Variants in GALNT13 observed in about 807,000 individuals in gnomAD.
GALNT13 encodes UDP-GalNAc:polypeptide N-acetylgalactosaminyltransferase 13.
In GALNT13, 28 loss-of-function variants were observed where a neutral mutation model predicts 64.2. The observed-to-expected ratio is 0.44, with a 90% CI of 0.32 to 0.60. The LOEUF (loss-of-function observed/expected upper bound fraction) is 0.60. GALNT13 is among the 20% of genes least tolerant of loss of function. The pLI, the probability that GALNT13 is intolerant of heterozygous loss-of-function variation, is 0.05. For synonymous variants in GALNT13, 214 were observed against 224.6 expected (o/e 0.95, Z 0.42); for missense variants, 577 against 669.8 (o/e 0.86, Z 1.53).
the GALNT13 span, among the ~76,000 whole-genome samples, chr2:153,716,199 C>T: frequency 6.6e-6 from 1 of 152,172 alleles, no homozygotes; most frequent in South Asian, 2.1e-4. Context: ...AACTTAGTTC[C>T]ATGGAAGAGC....
the GALNT13 span, among the ~76,000 whole-genome samples, chr2:153,274,501 TA>T: frequency 6.6e-6 from 1 of 152,170 alleles, no homozygotes; most frequent in Non-Finnish European, 1.5e-5. Context: ...AACTGCAGAA[TA>T]AAAGAGGAAT....
the GALNT13 span, among the ~76,000 whole-genome samples, chr2:153,394,805 A>T: frequency 6.6e-6 from 1 of 152,308 alleles, no homozygotes; most frequent in East Asian, 1.9e-4. Context: ...TTGGAAGCTT[A>T]GAGAAAACAA....
At chr2:153,842,477 T>G in the GALNT13 span, among the ~76,000 whole-genome samples, 1 of 152,050 alleles carries the variant, frequency 6.6e-6, no homozygotes, top group Non-Finnish European at 1.5e-5. Context: ...AAGGGTGAAC[T>G]AGAAACACAC....
chr2:153,844,162 A>T, the GALNT13 span, among the ~76,000 whole-genome samples: 1 of 152,068 alleles, frequency 6.6e-6, no homozygotes, highest in Non-Finnish European at 1.5e-5. Context: ...TTGCTTTTTT[A>T]GAGTGTCTCT....
chr2:153,798,891 T>A, the GALNT13 span, among the ~76,000 whole-genome samples: 2 of 152,294 alleles, frequency 1.3e-5, no homozygotes, highest in Non-Finnish European at 2.9e-5. Flanking sequence ...CATTAAGCAC[T>A]ATTATTGCTG....
chr2:153,831,117 T>C, the GALNT13 span, among the ~76,000 whole-genome samples: 1 of 152,254 alleles, frequency 6.6e-6, no homozygotes, highest in African/African-American at 2.4e-5. Context: ...TGGTTTGGAG[T>C]ATCGTTTCTC....
chr2:153,706,691 C>A, the GALNT13 span, among the ~76,000 whole-genome samples: 1 of 152,232 alleles, frequency 6.6e-6, no homozygotes, highest in South Asian at 2.1e-4. Flanking sequence ...TCTTTGTTGT[C>A]TTCCCTATTA....
At chr2:153,091,235 C>T in the GALNT13 span, among the ~76,000 whole-genome samples, 2 of 152,066 alleles carry the variant, frequency 1.3e-5, no homozygotes, top group Admixed American at 1.3e-4. Context: ...CCAAGAACCC[C>T]TGTGAGATAT....
chr2:153,325,114 G>GTTTTTT, the GALNT13 span, among the ~76,000 whole-genome samples: 2 of 72,680 alleles, frequency 2.8e-5, no homozygotes, highest in East Asian at 4.8e-4. Flanking sequence ...CTGGACCTGG[G>GTTTTTT]TTTTTTTTTT....
In GALNT13 at chr2:154,262,511, G is replaced by A. The variant is rs190599517; in HGVS notation, c.975+3373G>A. The stretch of plus-strand genomic sequence containing the variant: ...CAGAGAACAGCAGTTAGGTCTTAAT[G>A]CTTCTGAAAGCTGTTTCAAATATTT... On this transcript the variant is annotated intron_variant, in intron 8 of 12. Coordinates refer to ENST00000392825, the MANE Select transcript of GALNT13 (RefSeq NM_052917.4). Among the ~76,000 whole-genome samples, 511 of 152,268 alleles carry A rather than the reference G, an allele frequency of 3.4e-3. 4 individuals carry two copies. Among genetic ancestry groups the A allele is most frequent in the African/African-American group, 0.012 (491 of 41,566 alleles).
chr2:154,269,664 C>T (rs911141846), intron 8 of GALNT13, among the ~76,000 whole-genome samples: 8 of 151,266 alleles, frequency 5.3e-5, no homozygotes, highest in Non-Finnish European at 3.0e-5. Flanking sequence ...TCTCTTGTTC[C>T]CCATTTGGTG....
At chr2:153,703,014 G>GA in the GALNT13 span, among the ~76,000 whole-genome samples, 2 of 152,102 alleles carry the variant, frequency 1.3e-5, no homozygotes, top group Non-Finnish European at 2.9e-5. Context: ...AAAAGCAAGG[G>GA]AAGTGGGGTC....
chr2:153,403,989 A>G, the GALNT13 span, among the ~76,000 whole-genome samples: 1 of 152,166 alleles, frequency 6.6e-6, no homozygotes, highest in Non-Finnish European at 1.5e-5. Context: ...TCTAATCCAC[A>G]AATTAGGTCC....
At chr2:153,829,851 G>A in the GALNT13 span, among the ~76,000 whole-genome samples, 1 of 152,148 alleles carries the variant, frequency 6.6e-6, no homozygotes, top group Non-Finnish European at 1.5e-5. Context: ...ATATTTAGAA[G>A]AGACTTAATT....
intron 3 of GALNT13, among the ~76,000 whole-genome samples, chr2:153,969,710 A>T (rs182244064): frequency 2.8e-4 from 42 of 152,298 alleles, no homozygotes; most frequent in African/African-American, 9.9e-4. Context: ...TTTCAAAGGG[A>T]TGATAAAAGT....
chr2:153,544,713 T>C, the GALNT13 span, among the ~76,000 whole-genome samples: 2 of 152,238 alleles, frequency 1.3e-5, no homozygotes, highest in Non-Finnish European at 2.9e-5. Context: ...TCTAATATGA[T>C]ACAAGAATAC....
the GALNT13 span, among the ~76,000 whole-genome samples, chr2:153,307,835 C>G: frequency 6.6e-6 from 1 of 152,016 alleles, no homozygotes; most frequent in Admixed American, 6.6e-5. Flanking sequence ...TATAAAAGAT[C>G]AGGGACCTAT....
the GALNT13 span, among the ~76,000 whole-genome samples, chr2:153,736,161 T>A: frequency 6.6e-6 from 1 of 152,210 alleles, no homozygotes; most frequent in African/African-American, 2.4e-5. Context: ...TGGCACTCCA[T>A]CCATCATAGA....
At chr2:153,821,854 A>G in the GALNT13 span, among the ~76,000 whole-genome samples, 3 of 152,188 alleles carry the variant, frequency 2.0e-5, no homozygotes, top group Non-Finnish European at 4.4e-5. Flanking sequence ...ACCATGAAAA[A>G]GAGAGAGAAA....
Sources: allele counts gnomAD v4.1 joint callset (sites outside exome capture counted in the v4.1 genomes callset), GRCh38; gene constraint gnomAD v4.1.1; transcripts MANE v1.5; gene names NCBI Gene and HGNC (gene_info 2026-07-23, HGNC 2026-07-21).